COL7A1: variants seen among roughly 807,000 people sequenced by gnomAD.
COL7A1 encodes collagen type VII alpha 1 chain, also known as collagen alpha-1(VII) chain.
A neutral mutation model predicts 456.2 loss-of-function variants in COL7A1; 296 were observed. The ratio of observed to expected loss-of-function variants is 0.65; its 90% confidence interval spans 0.59 to 0.71. The LOEUF (loss-of-function observed/expected upper bound fraction) is 0.71, where lower values mean the gene tolerates loss of function less well. Ranked by LOEUF, COL7A1 falls within the 30% of genes least tolerant of loss-of-function variation. COL7A1 has a pLI of 0.00. For synonymous variants in COL7A1, 1,464 were observed against 1,525.9 expected, an observed-to-expected ratio of 0.96 and a Z score of 0.95; for missense variants, 3,441 against 4,017.2, an observed-to-expected ratio of 0.86 and a Z score of 3.88.
chr3:48,590,107 G>A lies in COL7A1; in HGVS notation c.2050+106C>T, dbSNP rs1437480676. On this transcript the variant is annotated intron_variant, in intron 16 of 118. Transcript: ENST00000681320. This position sits in a 1 kb window ranked among gnomAD's most constrained non-coding sequence, Gnocchi z 4.6. Reference sequence around the variant, plus strand: ...AGGGAGGAGGGAGTGGGATTCTGAAGGGGGAGGCAGGAGTTCTGGGGAGAA... The same window carrying A: ...AGGGAGGAGGGAGTGGGATTCTGAAAGGGGAGGCAGGAGTTCTGGGGAGAA... The A allele has an allele frequency of 4.7e-6, 6 of 1,269,406 alleles. No individual in the cohort carries two copies. The highest frequency in any genetic ancestry group is 6.6e-6 in the Non-Finnish European group (6 of 906,288). 78.6% of individuals were successfully genotyped at this position (1,269,406 alleles called of 1,614,324 possible).
rs2045177949 is a variant in COL7A1 at position 48,585,536 on chromosome 3, C to G, written c.3894+21G>C. 6.2e-7 allele frequency: 1 copy of G among 1,613,398 alleles called. No individual in the cohort carries two copies. The highest frequency in any genetic ancestry group is 8.5e-7 in the Non-Finnish European group (1 of 1,179,912). On this transcript the variant is annotated intron_variant, in intron 32 of 118. Transcript: ENST00000681320. This position sits in a 1 kb window ranked among gnomAD's most constrained non-coding sequence, Gnocchi z 4.5. ...GCTTTGAGGAGTGCCTCAGAGAAAC[C>G]TCGATGGTCTCCACACTCACCCTCT... is the stretch of plus-strand genomic sequence containing the variant.
Position 48,594,672 on chromosome 3 carries a change from C to T in COL7A1, c.86-124G>A. The T allele has an allele frequency of 8.3e-7, 1 of 1,207,556 alleles. No individual in the cohort carries two copies. The highest frequency in any genetic ancestry group is 1.2e-6 in the Non-Finnish European group (1 of 864,642). The allele number at this position is 1,207,556 out of a possible 1,614,324, so 74.8% of individuals were successfully genotyped here. Reference sequence around the variant, plus strand: ...GGCCTCATCTTATGCAAACCAGGGCCGAATCGGCCTGAGCCTGAGGGCCTT... The same window carrying T: ...GGCCTCATCTTATGCAAACCAGGGCTGAATCGGCCTGAGCCTGAGGGCCTT... On this transcript the variant is annotated intron_variant, in intron 2 of 118. Transcript: ENST00000681320. This position sits in a 1 kb window ranked among gnomAD's most constrained non-coding sequence, Gnocchi z 5.5.
At position 48,572,056 on chromosome 3, in the gene COL7A1, T is replaced by C. The variant is rs2043957222; in HGVS notation, c.7024-11A>G. On this transcript the variant is annotated splice_polypyrimidine_tract_variant and intron_variant, in intron 91 of 118. Coordinates refer to ENST00000681320, the MANE Select transcript of COL7A1 (RefSeq NM_000094.4). This position sits in a 1 kb window ranked among gnomAD's most constrained non-coding sequence, Gnocchi z 4.6. ...ACGGCCAGCTTCACCCTGCACAGAA[T>C]GGCAGGTGAGGGGTGTCTGGACTGA... is the stretch of plus-strand genomic sequence containing the variant. 1 of 1,612,868 alleles carries C rather than the reference T, an allele frequency of 6.2e-7. No homozygotes were observed.
Position 48,570,510 on chromosome 3 carries a change from AGAGT to A in COL7A1, c.7345-14_7345-11del, listed in dbSNP as rs1361930725. 1 of 1,614,050 alleles carries A rather than the reference AGAGT, an allele frequency of 6.2e-7. No individual in the cohort carries two copies. On this transcript the variant is annotated splice_polypyrimidine_tract_variant and intron_variant, in intron 96 of 118. Coordinates refer to ENST00000681320, the MANE Select transcript of COL7A1 (RefSeq NM_000094.4). This position sits in a 1 kb window ranked among gnomAD's most constrained non-coding sequence, Gnocchi z 5.5. ...AGGCCCCAGGTGGTCCCTGTAGGTC[AGAGT>A]GAGGTGAGGGTCCTGTGGCTCTCAA... is the stretch of plus-strand genomic sequence containing the variant.
chr3:48,584,854 C>G, intron 34 of COL7A1, 56 bp downstream of exon 34: 1 of 1,613,920 alleles, frequency 6.2e-7, no homozygotes, highest in Non-Finnish European at 8.5e-7. Flanking sequence ...AGGCTCCCAC[C>G]CTGTGGAAGA....
rs1457041728 is a variant in COL7A1 at position 48,578,738 on chromosome 3, A to T, written c.5424+181T>A. ...ACTTGGAGGGCCTATGAAGACCCCC[A>T]AGGCAAAGAAGGTCAGAAAGGGGGA... is the stretch of plus-strand genomic sequence containing the variant. On this transcript the variant is annotated intron_variant, in intron 63 of 118. Coordinates refer to ENST00000681320, the MANE Select transcript of COL7A1 (RefSeq NM_000094.4). The surrounding 1 kb of genome is among the most constrained non-coding windows in gnomAD (Gnocchi z 4.7). Among the ~76,000 whole-genome samples, 3 of 152,156 alleles carry T rather than the reference A, an allele frequency of 2.0e-5. No homozygotes were observed. Among genetic ancestry groups the T allele is most frequent in the African/African-American group, 4.8e-5 (2 of 41,432 alleles).
In COL7A1 at chr3:48,573,141, G is replaced by A. The variant is rs896905084; in HGVS notation, c.6714+33C>T. 11 of 1,613,882 alleles carry A rather than the reference G, an allele frequency of 6.8e-6. No individual in the cohort carries two copies. Among genetic ancestry groups the A allele is most frequent in the Non-Finnish European group, 9.3e-6 (11 of 1,179,940 alleles). Reference sequence around the variant, plus strand: ...ATGGGCCCCAAGGAGTGAAAACACGGTGTCCCTACAGGGGCCACAGGGACT... The same window carrying A: ...ATGGGCCCCAAGGAGTGAAAACACGATGTCCCTACAGGGGCCACAGGGACT... On this transcript the variant is annotated intron_variant, in intron 85 of 118. Transcript: ENST00000681320. The surrounding 1 kb of genome is among the most constrained non-coding windows in gnomAD (Gnocchi z 5.5).
chr3:48,569,412 T>C lies in COL7A1; in HGVS notation c.7649A>G (p.Lys2550Arg). Residue 2550 changes from lysine to arginine, a missense_variant, in exon 103 of 119, where the codon AAA (lysine) becomes AGA (arginine). Around this residue, in one of 3 missense-constraint regions of COL7A1, gnomAD observed 2,084 missense variants for 2,501.3 expected, o/e 0.83. Transcript: ENST00000681320. This position sits in a 1 kb window ranked among gnomAD's most constrained non-coding sequence, Gnocchi z 4.9. The part of the protein sequence containing the change: ...ERGPRGLDGD[K>R]GPRGDNGDPG... ...GTCCCCATTGTCTCCCCGAGGTCCT[T>C]TGTCACCATCCAAGCCCCGAGGCCC... is the stretch of plus-strand genomic sequence containing the variant. 2 of 1,614,060 alleles carry C rather than the reference T, an allele frequency of 1.2e-6. No homozygotes were observed. Among genetic ancestry groups the C allele is most frequent in the Non-Finnish European group, 1.7e-6 (2 of 1,179,978 alleles).
In COL7A1 at chr3:48,581,052, G is replaced by A. The variant is rs998321994; in HGVS notation, c.4935+70C>T. On this transcript the variant is annotated intron_variant, in intron 53 of 118. Transcript: ENST00000681320. This position sits in a 1 kb window ranked among gnomAD's most constrained non-coding sequence, Gnocchi z 5.8. ...GCAGGGAGTGGATGGATGAACTGGT[G>A]GAGCACCAGCCTACTGGGATCCTAG... is the stretch of plus-strand genomic sequence containing the variant. The A allele has an allele frequency of 2.6e-5, 42 of 1,604,878 alleles. No homozygotes were observed. Among genetic ancestry groups the A allele is most frequent in the Non-Finnish European group, 3.3e-5 (39 of 1,172,284 alleles).
Position 48,581,501 on chromosome 3 carries a change from G to A in COL7A1, c.4783-18C>T. On this transcript the variant is annotated intron_variant, in intron 50 of 118. Coordinates refer to ENST00000681320, the MANE Select transcript of COL7A1 (RefSeq NM_000094.4). This position sits in a 1 kb window ranked among gnomAD's most constrained non-coding sequence, Gnocchi z 5.8. ...ATGGGACCCTGAAGGGGACAGAAGG[G>A]GGGCAGGACTTAGTCAGGGTCCCAC... 1 of 1,614,084 alleles carries A rather than the reference G, an allele frequency of 6.2e-7. No homozygotes were observed. Among genetic ancestry groups the A allele is most frequent in the Non-Finnish European group, 8.5e-7 (1 of 1,180,010 alleles).
At position 48,586,702 on chromosome 3, in the gene COL7A1, G is replaced by A. The variant is rs769049495; in HGVS notation, c.3277-13C>T. The A allele has an allele frequency of 2.5e-6, 4 of 1,569,424 alleles. No homozygotes were observed. The African/African-American group carries it at 5.4e-5, about 21-fold the overall frequency. Reference sequence around the variant, plus strand: ...ACAGCAGGCCAACCTGGGGTGGAAGGAAACACAGAGCCTGAGGAGGATGAC... The same window carrying A: ...ACAGCAGGCCAACCTGGGGTGGAAGAAAACACAGAGCCTGAGGAGGATGAC... On this transcript the variant is annotated splice_polypyrimidine_tract_variant and intron_variant, in intron 25 of 118. Coordinates refer to ENST00000681320, the MANE Select transcript of COL7A1 (RefSeq NM_000094.4). The surrounding 1 kb of genome is among the most constrained non-coding windows in gnomAD (Gnocchi z 5.1).
In COL7A1 at chr3:48,581,636, T is replaced by C; in HGVS notation, c.4723-4A>G. The stretch of plus-strand genomic sequence containing the variant: ...GAAGAACCAAGCCGGGTGGGCCCTG[T>C]GGATGGAAGGATAAGAAGTCAGGAA... On this transcript the variant is annotated splice_region_variant and splice_polypyrimidine_tract_variant and intron_variant, in intron 49 of 118. Coordinates refer to ENST00000681320, the MANE Select transcript of COL7A1 (RefSeq NM_000094.4). The surrounding 1 kb of genome is among the most constrained non-coding windows in gnomAD (Gnocchi z 5.8). 1 of 1,614,150 alleles carries C rather than the reference T, an allele frequency of 6.2e-7. No homozygotes were observed. Among genetic ancestry groups the C allele is most frequent in the South Asian group, 1.1e-5 (1 of 91,086 alleles).
In COL7A1 at chr3:48,569,732, C is replaced by T; in HGVS notation, c.7550G>A (p.Gly2517Asp). 4 of 1,614,180 alleles carry T rather than the reference C, an allele frequency of 2.5e-6. No individual in the cohort carries two copies. The highest frequency in any genetic ancestry group is 3.4e-6 in the Non-Finnish European group (4 of 1,180,010). ...KGDVGSAGLK[G>D]DKGDSAVILG... The stretch of plus-strand genomic sequence containing the variant: ...CCCCATGCCCACACTCACCTTGTCA[C>T]CCTTTAGTCCTGCACTCCCAACATC... Residue 2517 changes from glycine (G) to aspartate (D), a missense_variant, in exon 101 of 119, where the codon GGT becomes GAT. Transcript: ENST00000681320. The surrounding 1 kb of genome is among the most constrained non-coding windows in gnomAD (Gnocchi z 4.9).
In COL7A1 at chr3:48,578,180, A is replaced by G; in HGVS notation, c.5532+141T>C. ...ACTCCATCTCAAAAAAAAAAAAACT[A>G]TGTTTCTGGATGCATCTGTATGTCT... is the stretch of plus-strand genomic sequence containing the variant. On this transcript the variant is annotated intron_variant, in intron 65 of 118. Coordinates refer to ENST00000681320, the MANE Select transcript of COL7A1 (RefSeq NM_000094.4). This position sits in a 1 kb window ranked among gnomAD's most constrained non-coding sequence, Gnocchi z 4.7. The G allele has an allele frequency of 1.1e-6, 1 of 941,724 alleles. No homozygotes were observed. 58.3% of individuals were successfully genotyped at this position (941,724 alleles called of 1,614,324 possible).
Position 48,584,912 on chromosome 3 carries a change from G to A in COL7A1, c.4009C>T (p.Pro1337Ser), listed in dbSNP as rs774162615. The change falls in exon 34 of 119, where the codon CCG becomes TCG. Residue 1337 changes from proline (P) to serine (S), a missense_variant and splice_region_variant. Pro to Ser is a moderately conservative substitution (Grantham distance 74, BLOSUM62 -1). Around this residue, in one of 3 missense-constraint regions of COL7A1, gnomAD observed 2,084 missense variants for 2,501.3 expected, o/e 0.83. Coordinates refer to ENST00000681320, the MANE Select transcript of COL7A1 (RefSeq NM_000094.4). Reference sequence around the variant, plus strand: ...GCAAAGAAGGGAAGGCACCTTACCGGGTCCCCACGAGGGCCAGGCAACCCT... The same window carrying A: ...GCAAAGAAGGGAAGGCACCTTACCGAGTCCCCACGAGGGCCAGGCAACCCT... Reference protein sequence around the residue: ...SPGLPGPRGDPGERGPRGPKG... With the variant: ...SPGLPGPRGDSGERGPRGPKG... 1 of 1,613,900 alleles carries A rather than the reference G, an allele frequency of 6.2e-7. No individual in the cohort carries two copies. The highest frequency in any genetic ancestry group is 1.3e-5 in the African/African-American group (1 of 74,914).
intron 18 of COL7A1, 146 bp downstream of exon 18, chr3:48,589,181 G>A: frequency 6.9e-7 from 1 of 1,450,552 alleles, no homozygotes; most frequent in South Asian, 1.2e-5. Flanking sequence ...GGTCACCGTG[G>A]GTGGACACTT....
In COL7A1 at chr3:48,583,313, C is replaced by T; in HGVS notation, c.4437+80G>A. 2 of 1,610,644 alleles carry T rather than the reference C, an allele frequency of 1.2e-6. No homozygotes were observed. The highest frequency in any genetic ancestry group is 1.7e-6 in the Non-Finnish European group (2 of 1,177,304). On this transcript the variant is annotated intron_variant, in intron 42 of 118. Coordinates refer to ENST00000681320, the MANE Select transcript of COL7A1 (RefSeq NM_000094.4). The surrounding 1 kb of genome is among the most constrained non-coding windows in gnomAD (Gnocchi z 5.1). The stretch of plus-strand genomic sequence containing the variant: ...CTGACCTGGAGGGAACTCTTATCTC[C>T]TTATCTTCCAGCCTCCCCTAACACC...
At position 48,567,062 on chromosome 3, in the gene COL7A1, C is replaced by T; in HGVS notation, c.8110-39G>A. On this transcript the variant is annotated intron_variant, in intron 110 of 118. Coordinates refer to ENST00000681320, the MANE Select transcript of COL7A1 (RefSeq NM_000094.4). This position sits in a 1 kb window ranked among gnomAD's most constrained non-coding sequence, Gnocchi z 4.3. ...GGACAGAGTCAGTAATCAGAGGCCCCAGAGATGGACCCTCTCCCAAAGTGC... is the reference window on the plus strand; with the variant it reads ...GGACAGAGTCAGTAATCAGAGGCCCTAGAGATGGACCCTCTCCCAAAGTGC... The T allele has an allele frequency of 6.2e-7, 1 of 1,613,478 alleles. No individual in the cohort carries two copies. The highest frequency in any genetic ancestry group is 8.5e-7 in the Non-Finnish European group (1 of 1,179,538).
At position 48,574,422 on chromosome 3, in the gene COL7A1, G is replaced by A. The variant is rs1320283174; in HGVS notation, c.6456+66C>T. 5.0e-6 allele frequency: 8 copies of A among 1,612,816 alleles called. No homozygotes were observed. Among genetic ancestry groups the A allele is most frequent in the Non-Finnish European group, 6.8e-6 (8 of 1,178,988 alleles). ...CCCAGGCAGTACAGACCCCAGCCCT[G>A]CACACAGGACAATACATGTGAGAGC... On this transcript the variant is annotated intron_variant, in intron 79 of 118. Coordinates refer to ENST00000681320, the MANE Select transcript of COL7A1 (RefSeq NM_000094.4). The surrounding 1 kb of genome is among the most constrained non-coding windows in gnomAD (Gnocchi z 5.0).
Sources: gnomAD v4.1 joint callset for allele counts (sites outside exome capture counted in the v4.1 genomes callset) on GRCh38, gnomAD v4.1.1 for gene constraint, gnomAD v4.1.1 regional missense constraint, Gnocchi (gnomAD v3.1) non-coding constraint, MANE v1.5 for transcripts, NCBI Gene and HGNC (gene_info 2026-07-23, HGNC 2026-07-21) for gene names.